The following PREX1 variants were observed in gnomAD, a reference collection of about 807,000 sequenced individuals.
PREX1 encodes phosphatidylinositol 3,4,5-trisphosphate-dependent Rac exchanger 1 protein.
PREX1 carries 41 observed loss-of-function variants against 198.3 expected under a neutral mutation model. That is an observed-to-expected ratio of 0.21 (90% confidence interval 0.16 to 0.27). The LOEUF (loss-of-function observed/expected upper bound fraction) is 0.27, where lower values mean the gene tolerates loss of function less well. PREX1 is among the 10% of genes least tolerant of loss of function. PREX1 has a pLI of 1.00. For synonymous variants in PREX1, 843 were observed against 887.2 expected (o/e 0.95, Z 0.89); for missense variants, 1,620 against 2,200.7 (o/e 0.74, Z 5.28).
At chr20:48,880,676 C>G in the PREX1 span, among the ~76,000 whole-genome samples, 63 of 152,090 alleles carry the variant, frequency 4.1e-4, no homozygotes, top group African/African-American at 1.5e-3. Context: ...GTAGTCCTAG[C>G]TACAAAGGAG....
At chr20:48,709,785 A>T (rs2089922152) in intron 5 of PREX1, among the ~76,000 whole-genome samples, 1 of 152,244 alleles carries the variant, frequency 6.6e-6, no homozygotes. Flanking sequence ...TCCTTGCTGT[A>T]TGACAACACG....
In PREX1 at chr20:48,652,595, C is replaced by T; in HGVS notation, c.2458G>A (p.Ala820Thr). ...ATGCCCCGTCTATTACCTGAATCAG[C>T]CTGGTCTTCCTCCTGGGCCTGCTCG... ...SGEQAQEEDQADSAFPLLSLG... is the reference protein window; with the variant it reads ...SGEQAQEEDQTDSAFPLLSLG... The change falls in exon 21 of 40, where the codon GCT (alanine) becomes ACT (threonine). Residue 820 changes from alanine (A) to threonine (T), a missense_variant. Physicochemically the swap from Ala to Thr is moderately conservative, Grantham distance 58. Coordinates refer to ENST00000371941, the MANE Select transcript of PREX1 (RefSeq NM_020820.4). The T allele has an allele frequency of 6.2e-7, 1 of 1,611,298 alleles. No individual in the cohort carries two copies.
At chr20:48,829,894 G>A (rs570468055), upstream of PREX1, among the ~76,000 whole-genome samples, 3 of 152,162 alleles carry the variant, frequency 2.0e-5, no homozygotes, top group Non-Finnish European at 4.4e-5. Context: ...TAAAAGGGGA[G>A]TCTTTGTGAG....
At chr20:48,730,179 G>T (rs73138219) in intron 4 of PREX1, among the ~76,000 whole-genome samples, 1 of 151,866 alleles carries the variant, frequency 6.6e-6, no homozygotes, top group Non-Finnish European at 1.5e-5. Context: ...CAATTGTCCC[G>T]GTCCCCTAGG....
At chr20:48,861,963 A>G in the PREX1 span, among the ~76,000 whole-genome samples, 1 of 152,206 alleles carries the variant, frequency 6.6e-6, no homozygotes, top group African/African-American at 2.4e-5. Context: ...TAATCCCAGC[A>G]CTGCAAGAGG....
At chr20:48,746,994 AC>A (rs2090111313) in intron 2 of PREX1, among the ~76,000 whole-genome samples, 1 of 65,378 alleles carries the variant, frequency 1.5e-5, no homozygotes, top group African/African-American at 5.6e-5. Context: ...ACACACACAC[AC>A]ACACACACAC....
At chr20:48,837,620 G>A in the PREX1 span, among the ~76,000 whole-genome samples, 53 of 152,270 alleles carry the variant, frequency 3.5e-4, no homozygotes, top group South Asian at 0.011. Context: ...GCTAAATGAC[G>A]AGAACTCATG....
upstream of PREX1, among the ~76,000 whole-genome samples, chr20:48,829,721 T>A (rs550213179): frequency 2.1e-4 from 32 of 152,288 alleles, 2 homozygotes; most frequent in South Asian, 6.6e-3. Context: ...CTCCGTTTCC[T>A]CATCTTTAAA....
intron 1 of PREX1, among the ~76,000 whole-genome samples, chr20:48,760,139 A>G (rs1166177588): frequency 6.6e-6 from 1 of 151,532 alleles, no homozygotes; most frequent in African/African-American, 2.4e-5. Context: ...GGCTATTATG[A>G]TCTCCCCATC....
chr20:48,745,271 G>A lies in PREX1; in HGVS notation c.292-124C>T, dbSNP rs552362220. On this transcript the variant is annotated intron_variant, in intron 2 of 39. Transcript: ENST00000371941. The stretch of plus-strand genomic sequence containing the variant: ...AGTCAAAGAAGAACTCTCAAACACC[G>A]GAACTGGTTTACCACTAATAGAAAT... The A allele has an allele frequency of 5.4e-5, 56 of 1,043,334 alleles. 1 individual carries two copies. The Middle Eastern group carries it at 7.3e-4, about 14-fold the overall frequency. The allele number at this position is 1,043,334 out of a possible 1,614,324, so 64.6% of individuals were successfully genotyped here.
chr20:48,692,750 T>C lies in PREX1; in HGVS notation c.958A>G (p.Ile320Val). ...CTGAAGATGTAGAGGGAGCCGTTGA[T>C]GGATTTGGTCCTCTTGGTGGACTTC... ...SKKSTKRTKS[I>V]NGSLYIFRGR... The change falls in exon 8 of 40, where the codon ATC (isoleucine) becomes GTC (valine). Residue 320 changes from isoleucine (I) to valine (V), a missense_variant. Physicochemically the swap from Ile to Val is conservative, Grantham distance 29. This residue lies in a region of PREX1 where 488 missense variants were observed against 802.5 expected (regional missense o/e 0.61). Coordinates refer to ENST00000371941, the MANE Select transcript of PREX1 (RefSeq NM_020820.4). 4 of 1,614,076 alleles carry C rather than the reference T, an allele frequency of 2.5e-6. No homozygotes were observed. The highest frequency in any genetic ancestry group is 3.4e-6 in the Non-Finnish European group (4 of 1,179,998).
At chr20:48,792,178 T>C (rs112067892) in intron 1 of PREX1, among the ~76,000 whole-genome samples, 2,579 of 152,258 alleles carry the variant, frequency 0.017, 82 homozygotes, top group African/African-American at 0.06. Flanking sequence ...CATTGTTTTA[T>C]AAAAATAAGA....
At chr20:48,796,215 G>A (rs55979552) in intron 1 of PREX1, among the ~76,000 whole-genome samples, 11,163 of 151,852 alleles carry the variant, frequency 0.074, 530 homozygotes, top group East Asian at 0.12. Context: ...CAGGTATGAA[G>A]TGGCATGTGT....
intron 36 of PREX1, among the ~76,000 whole-genome samples, chr20:48,630,443 T>C (rs948536839): frequency 6.6e-6 from 1 of 152,254 alleles, no homozygotes; most frequent in Non-Finnish European, 1.5e-5. Flanking sequence ...AGGTTACATC[T>C]GTCATGAGGT....
chr20:48,692,344 T>G (rs2089823657), intron 8 of PREX1: 2 of 222,562 alleles, frequency 9.0e-6, no homozygotes, highest in Admixed American at 1.0e-4. Flanking sequence ...AATAGAAATT[T>G]TAATTAAAAT....
At chr20:48,702,720 T>C (rs1601086312) in intron 6 of PREX1, among the ~76,000 whole-genome samples, 2 of 152,364 alleles carry the variant, frequency 1.3e-5, no homozygotes, top group Middle Eastern at 6.8e-3. Context: ...CACCCCAGTC[T>C]GACTGTCCGC....
intron 20 of PREX1, 22 bp from the exon 21 acceptor site, chr20:48,652,728 G>A: frequency 1.2e-6 from 2 of 1,606,020 alleles, no homozygotes; most frequent in Non-Finnish European, 1.7e-6. Context: ...CAGAGTAAGG[G>A]GACAGCCATG....
chr20:48,733,705 C>CTGTTATTGTTGTTGT, intron 4 of PREX1, among the ~76,000 whole-genome samples: 1 of 151,198 alleles, frequency 6.6e-6, no homozygotes, highest in Middle Eastern at 3.4e-3. Flanking sequence ...GTTGTTGTTG[C>CTGTTATTGTTGTTGT]TGTTGTTGTT....
Position 48,666,147 on chromosome 20 carries a change from T to C in PREX1, c.1738+136A>G, listed in dbSNP as rs2089638964. The C allele has an allele frequency of 2.5e-6, 2 of 789,454 alleles. No individual in the cohort carries two copies. Among genetic ancestry groups the C allele is most frequent in the Non-Finnish European group, 4.0e-6 (2 of 494,608 alleles). 48.9% of individuals were successfully genotyped at this position (789,454 alleles called of 1,614,324 possible). A position where few individuals can be genotyped will look rare whatever the true frequency, so the allele number is the denominator to read the frequency against. On this transcript the variant is annotated intron_variant, in intron 15 of 39. Coordinates refer to ENST00000371941, the MANE Select transcript of PREX1 (RefSeq NM_020820.4). The surrounding 1 kb of genome is among the most constrained non-coding windows in gnomAD (Gnocchi z 4.3). ...GTTCAGAACGGGAAGGGGAGGGAGG[T>C]GGGATTCGTGAGCCTCCCCAAACCC...
Sources: allele counts gnomAD v4.1 joint callset (sites outside exome capture counted in the v4.1 genomes callset), GRCh38; gene constraint gnomAD v4.1.1; regional missense constraint gnomAD v4.1.1; non-coding constraint Gnocchi (gnomAD v3.1); transcripts MANE v1.5; gene names NCBI Gene and HGNC (gene_info 2026-07-23, HGNC 2026-07-21).